Variants in GABRB1 observed in about 807,000 individuals in gnomAD.
GABRB1 encodes the protein gamma-aminobutyric acid type A receptor subunit beta1, also known as gamma-aminobutyric acid receptor subunit beta-1.
GABRB1 carries 17 observed loss-of-function variants against 51.6 expected under a neutral mutation model. The observed-to-expected ratio is 0.33, with a 90% confidence interval of 0.23 to 0.49. The LOEUF is 0.49. Ranked by LOEUF, GABRB1 falls within the 20% of genes least tolerant of loss-of-function variation. The pLI is 0.99. For synonymous variants in GABRB1, 247 were observed against 218.9 expected, an observed-to-expected ratio of 1.13 and a Z score of -1.14; for missense variants, 410 against 600.6, an observed-to-expected ratio of 0.68 and a Z score of 3.32.
chr4:47,175,009 T>A (rs1340884489), intron 4 of GABRB1, among the ~76,000 whole-genome samples: 1 of 144,272 alleles, frequency 6.9e-6, no homozygotes, highest in African/African-American at 2.6e-5. Context: ...CCTTCCTCTC[T>A]CTTCCTTCTT....
intron 3 of GABRB1, among the ~76,000 whole-genome samples, chr4:47,142,614 A>G (rs1716980591): frequency 6.6e-6 from 1 of 151,970 alleles, no homozygotes; most frequent in South Asian, 2.1e-4. Flanking sequence ...AATTGAAGGC[A>G]GACAAATTAG....
chr4:47,299,773 A>G (rs1197675687), intron 4 of GABRB1, among the ~76,000 whole-genome samples: 4 of 152,188 alleles, frequency 2.6e-5, no homozygotes, highest in African/African-American at 9.7e-5. Flanking sequence ...TCATGCTGTT[A>G]TAAAGACACA....
At chr4:47,194,692 C>A (rs530613562) in intron 4 of GABRB1, among the ~76,000 whole-genome samples, 2 of 152,234 alleles carry the variant, frequency 1.3e-5, no homozygotes, top group South Asian at 4.2e-4. Context: ...TATTGAAGAT[C>A]TCTTCAATGA....
chr4:47,283,099 T>C (rs189713360), intron 4 of GABRB1, among the ~76,000 whole-genome samples: 42 of 152,260 alleles, frequency 2.8e-4, no homozygotes, highest in African/African-American at 9.9e-4. Flanking sequence ...TGTCTGTCTG[T>C]ATTGTAACAC....
chr4:47,075,494 A>G (rs1427745665), intron 3 of GABRB1, among the ~76,000 whole-genome samples: 1 of 117,528 alleles, frequency 8.5e-6, no homozygotes. Context: ...ATCAAATGTT[A>G]AACTGACTTT....
chr4:47,207,843 A>G (rs1418902943), intron 4 of GABRB1, among the ~76,000 whole-genome samples: 1 of 152,060 alleles, frequency 6.6e-6, no homozygotes, highest in East Asian at 1.9e-4. Flanking sequence ...CATAGCATAT[A>G]TTTGATCTAG....
At chr4:47,391,228 T>C (rs1727981408) in intron 5 of GABRB1, among the ~76,000 whole-genome samples, 1 of 151,926 alleles carries the variant, frequency 6.6e-6, no homozygotes, top group Non-Finnish European at 1.5e-5. Flanking sequence ...TTTCCCCAAA[T>C]CATCTGTAAT....
rs760604569 is a variant in GABRB1, at chr4:47,406,835, T to C, written c.989T>C (p.Ile330Thr). The change falls in exon 8 of 9, where the codon ATC becomes ACC. Residue 330 changes from isoleucine (I) to threonine (T), a missense_variant. Around this residue, in one of 5 missense-constraint regions of GABRB1, gnomAD observed 181 missense variants for 195.6 expected, o/e 0.93. Coordinates refer to ENST00000295454, the MANE Select transcript of GABRB1 (RefSeq NM_000812.4). ...CTGGAGTATGCCTTTGTAAATTACA[T>C]CTTCTTTGGGAAAGGCCCTCAGAAA... ...ALLEYAFVNY[I>T]FFGKGPQKKG... The C allele has an allele frequency of 1.2e-6, 2 of 1,614,172 alleles. No individual in the cohort carries two copies. The highest frequency in any genetic ancestry group is 1.7e-6 in the Non-Finnish European group (2 of 1,180,014).
chr4:47,192,824 C>T (rs1719494638), intron 4 of GABRB1, among the ~76,000 whole-genome samples: 1 of 152,148 alleles, frequency 6.6e-6, no homozygotes, highest in African/African-American at 2.4e-5. Context: ...GAATGAAGTT[C>T]TAAGGCACTT....
At chr4:47,114,695 T>G (rs1715389954) in intron 3 of GABRB1, among the ~76,000 whole-genome samples, 1 of 152,174 alleles carries the variant, frequency 6.6e-6, no homozygotes, top group Non-Finnish European at 1.5e-5. Context: ...CCTTTATTAG[T>G]CTACTTCCAA....
chr4:47,342,607 A>G (rs1435505759), intron 5 of GABRB1, among the ~76,000 whole-genome samples: 1 of 152,234 alleles, frequency 6.6e-6, no homozygotes, highest in Non-Finnish European at 1.5e-5. Flanking sequence ...TCCATAAAAT[A>G]AAAACCTAGT....
chr4:47,338,305 A>C (rs1725769619), intron 5 of GABRB1, among the ~76,000 whole-genome samples: 1 of 152,170 alleles, frequency 6.6e-6, no homozygotes, highest in Non-Finnish European at 1.5e-5. Context: ...CATTGTGCAC[A>C]TGCCTTTTCT....
intron 4 of GABRB1, among the ~76,000 whole-genome samples, chr4:47,172,132 C>T (rs7673824): frequency 0.14 from 21,041 of 151,984 alleles, 1,902 homozygotes; most frequent in East Asian, 0.32. Flanking sequence ...TTATGGATTA[C>T]GCAGCATCCC....
rs74626575 is a variant in GABRB1 at position 47,424,582 on chromosome 4, A to C, written c.1081-1092A>C. The stretch of plus-strand genomic sequence containing the variant: ...CCTCCTTATCTATACCTAGTGTGTT[A>C]AGTGTTTACTAAGATTAATCTCATT... On this transcript the variant is annotated intron_variant, in intron 8 of 8. Coordinates refer to ENST00000295454, the MANE Select transcript of GABRB1 (RefSeq NM_000812.4). Among the ~76,000 whole-genome samples, 193 of 152,178 alleles carry C rather than the reference A, an allele frequency of 1.3e-3. 3 individuals are homozygous for C. The East Asian group carries it at 0.031, about 24-fold the overall frequency.
chr4:47,240,637 A>AGTGG (rs1463681644), intron 4 of GABRB1, among the ~76,000 whole-genome samples: 2 of 152,204 alleles, frequency 1.3e-5, no homozygotes, highest in South Asian at 4.1e-4. Context: ...CAAAGAACTA[A>AGTGG]TTGCCTTTCC....
intron 5 of GABRB1, among the ~76,000 whole-genome samples, chr4:47,340,241 C>T (rs1358922197): frequency 2.0e-5 from 3 of 151,994 alleles, no homozygotes; most frequent in Non-Finnish European, 4.4e-5. Context: ...TCAAGGATCT[C>T]GGGGAAGCTC....
At chr4:47,175,503 C>G (rs1315507579) in intron 4 of GABRB1, among the ~76,000 whole-genome samples, 3 of 152,130 alleles carry the variant, frequency 2.0e-5, no homozygotes, top group Non-Finnish European at 2.9e-5. Context: ...AACACTATCT[C>G]CCTGATGGCT....
At chr4:47,354,801 G>A (rs145405609) in intron 5 of GABRB1, among the ~76,000 whole-genome samples, 2 of 151,218 alleles carry the variant, frequency 1.3e-5, no homozygotes. Context: ...CTAATTTCTA[G>A]ATGTATAGTT....
chr4:47,393,837 C>T (rs921971962), intron 5 of GABRB1, among the ~76,000 whole-genome samples: 9 of 152,230 alleles, frequency 5.9e-5, no homozygotes, highest in Admixed American at 5.9e-4. Flanking sequence ...TAAGGCCACA[C>T]CTAACCCACT....
Sources: gnomAD v4.1 joint callset for allele counts (sites outside exome capture counted in the v4.1 genomes callset) on GRCh38, gnomAD v4.1.1 for gene constraint, gnomAD v4.1.1 regional missense constraint, MANE v1.5 for transcripts, NCBI Gene and HGNC (gene_info 2026-07-23, HGNC 2026-07-21) for gene names.